The following SDC2 variants were observed in gnomAD, a reference collection of about 807,000 sequenced individuals.
The protein encoded by SDC2 is syndecan-2.
A neutral mutation model predicts 22.2 loss-of-function variants in SDC2; 13 were observed. That is an observed-to-expected ratio of 0.59 (90% CI 0.38 to 0.93). The LOEUF is 0.93. Among genes scored for constraint, SDC2 ranks in the 40% least tolerant of loss-of-function variants. The pLI, the probability that SDC2 is intolerant of heterozygous loss-of-function variation, is 0.00. For synonymous variants in SDC2, 94 were observed against 92.8 expected, an observed-to-expected ratio of 1.01 and a Z score of -0.07; for missense variants, 235 against 246.8, an observed-to-expected ratio of 0.95 and a Z score of 0.32.
chr8:96,549,868 A>AT (rs1586294404), intron 1 of SDC2, among the ~76,000 whole-genome samples: 1 of 152,324 alleles, frequency 6.6e-6, no homozygotes, highest in African/African-American at 2.4e-5. Context: ...TGTGGCATAT[A>AT]CACTTCTTTT....
intron 1 of SDC2, among the ~76,000 whole-genome samples, chr8:96,551,335 C>A (rs2130537982): frequency 6.6e-6 from 1 of 152,310 alleles, no homozygotes; most frequent in Admixed American, 6.5e-5. Flanking sequence ...TTCAGTAGGA[C>A]AGTACAAAAC....
chr8:96,543,708 T>G (rs958084728), intron 1 of SDC2, among the ~76,000 whole-genome samples: 1 of 152,198 alleles, frequency 6.6e-6, no homozygotes, highest in Non-Finnish European at 1.5e-5. Flanking sequence ...GTCCCTGGTG[T>G]GTGCTTCAGC....
At chr8:96,597,277 G>T (rs1298319826) in intron 2 of SDC2, among the ~76,000 whole-genome samples, 1 of 152,170 alleles carries the variant, frequency 6.6e-6, no homozygotes, top group Admixed American at 6.5e-5. Context: ...TCTGGGTAGG[G>T]GACTGGGAGG....
rs1215595525 is a variant in SDC2 at position 96,543,165 on chromosome 8, CAT to C, written c.60+48836_60+48837del. Among the ~76,000 whole-genome samples, 9 of 152,114 alleles carry C rather than the reference CAT, an allele frequency of 5.9e-5. No homozygotes were observed. The South Asian group carries it at 1.9e-3, about 32-fold the overall frequency. The stretch of plus-strand genomic sequence containing the variant: ...CAAAGGGAGATTTTATTTTATCAGT[CAT>C]AGTATAGGATCTTTTAGTGCAGGTT... On this transcript the variant is annotated intron_variant, in intron 1 of 4. Coordinates refer to ENST00000302190, the MANE Select transcript of SDC2 (RefSeq NM_002998.4).
At chr8:96,529,889 C>T (rs890569720) in intron 1 of SDC2, among the ~76,000 whole-genome samples, 2 of 152,138 alleles carry the variant, frequency 1.3e-5, no homozygotes, top group Non-Finnish European at 2.9e-5. Flanking sequence ...TAACTGGTCC[C>T]TCATATGCCA....
At chr8:96,576,416 C>CTTTTTTTTTTTTTT (rs71267268) in intron 1 of SDC2, among the ~76,000 whole-genome samples, 1 of 13,808 alleles carries the variant, frequency 7.2e-5, no homozygotes, top group African/African-American at 2.2e-4. Flanking sequence ...TTATTATTCT[C>CTTTTTTTTTTTTTT]TTTTTTTTTT....
chr8:96,579,993 C>A (rs976716275), intron 1 of SDC2, among the ~76,000 whole-genome samples: 1 of 151,922 alleles, frequency 6.6e-6, no homozygotes, highest in South Asian at 2.1e-4. Context: ...TTTTACAGAG[C>A]CCCCCCAGCA....
At chr8:96,554,140 T>A (rs1448087757) in intron 1 of SDC2, among the ~76,000 whole-genome samples, 1 of 152,114 alleles carries the variant, frequency 6.6e-6, no homozygotes, top group Non-Finnish European at 1.5e-5. Flanking sequence ...GGACTTAAGC[T>A]CTCTGTATAA....
chr8:96,498,713 A>G (rs1408461438), intron 1 of SDC2, among the ~76,000 whole-genome samples: 1 of 151,270 alleles, frequency 6.6e-6, no homozygotes, highest in Admixed American at 6.6e-5. Context: ...CTGGTCTCCA[A>G]CTCCTGACCT....
intron 1 of SDC2, among the ~76,000 whole-genome samples, chr8:96,494,963 ACTGGGGGAGGCACGG>A: frequency 6.6e-6 from 1 of 152,214 alleles, no homozygotes; most frequent in Non-Finnish European, 1.5e-5. Flanking sequence ...TCAAGGGGAT[ACTGGGGGAGGCACGG>A]AACGCGTCCG....
chr8:96,540,340 G>GTGTATATATATATATA (rs4058341), intron 1 of SDC2, among the ~76,000 whole-genome samples: 20,283 of 123,330 alleles, frequency 0.16, 2,030 homozygotes, highest in Non-Finnish European at 0.21. Flanking sequence ...ATATATATGT[G>GTGTATATATATATATA]TATATATATA....
intron 1 of SDC2, among the ~76,000 whole-genome samples, chr8:96,553,318 T>C (rs766683614): frequency 6.6e-6 from 1 of 152,128 alleles, no homozygotes; most frequent in Non-Finnish European, 1.5e-5. Flanking sequence ...TATGTGAAAA[T>C]GCATTCTTAT....
intron 1 of SDC2, among the ~76,000 whole-genome samples, chr8:96,526,936 G>A (rs950908064): frequency 2.6e-5 from 4 of 152,178 alleles, no homozygotes; most frequent in African/African-American, 9.7e-5. Flanking sequence ...CTCTAGGGAG[G>A]TGGTAGCTCT....
At chr8:96,568,183 C>T (rs567193074) in intron 1 of SDC2, among the ~76,000 whole-genome samples, 31 of 152,318 alleles carry the variant, frequency 2.0e-4, no homozygotes, top group Admixed American at 1.4e-3. Context: ...GCAAAGCCTG[C>T]GGGTTTTCCT....
chr8:96,521,657 A>G (rs756486167), intron 1 of SDC2, among the ~76,000 whole-genome samples: 6 of 152,190 alleles, frequency 3.9e-5, no homozygotes, highest in Non-Finnish European at 7.3e-5. Flanking sequence ...ATATGTTGCT[A>G]TTTATTTCAC....
intron 1 of SDC2, among the ~76,000 whole-genome samples, chr8:96,582,182 G>T (rs904393156): frequency 6.6e-6 from 1 of 151,510 alleles, no homozygotes; most frequent in African/African-American, 2.4e-5. Context: ...TTTAAAAGTT[G>T]CTTGGTTGGC....
rs147733435 is a variant in SDC2, at chr8:96,530,278, G to A, written c.60+35947G>A. 3.9e-5 allele frequency among the ~76,000 whole-genome samples: 6 copies of A among 152,268 alleles called. No homozygotes were observed. The East Asian group carries it at 9.7e-4, about 25-fold the overall frequency. On this transcript the variant is annotated intron_variant, in intron 1 of 4. Transcript: ENST00000302190. ...GAATTTTGGAATGATTAATAGCTAT[G>A]TTAATATGCCATAACATAATTACTT...
At chr8:96,508,941 C>T (rs999991682) in intron 1 of SDC2, among the ~76,000 whole-genome samples, 4 of 142,142 alleles carry the variant, frequency 2.8e-5, no homozygotes, top group South Asian at 2.2e-4. Flanking sequence ...GTTGCAGCCC[C>T]GAATCATGAA....
intron 1 of SDC2, among the ~76,000 whole-genome samples, chr8:96,566,053 G>T (rs1401455982): frequency 6.6e-6 from 1 of 152,054 alleles, no homozygotes; most frequent in East Asian, 1.9e-4. Flanking sequence ...TAAAATGTTG[G>T]TGATGACCAC....
Sources: allele counts gnomAD v4.1 joint callset (sites outside exome capture counted in the v4.1 genomes callset), GRCh38; gene constraint gnomAD v4.1.1; transcripts MANE v1.5; gene names NCBI Gene and HGNC (gene_info 2026-07-23, HGNC 2026-07-21).